The following PPRC1 variants were observed in gnomAD, a reference collection of about 807,000 sequenced individuals.
PPRC1 encodes the protein peroxisome proliferator-activated receptor gamma coactivator-related protein 1.
In PPRC1, 23 loss-of-function variants were observed where a neutral mutation model predicts 132.5. The ratio of observed to expected loss-of-function variants is 0.17; its 90% CI spans 0.12 to 0.25. PPRC1 has a LOEUF of 0.25. Ranked by LOEUF, PPRC1 falls within the 10% of genes least tolerant of loss-of-function variation. The pLI, the probability that PPRC1 is intolerant of heterozygous loss-of-function variation, is 1.00. For synonymous variants in PPRC1, 872 were observed against 833.5 expected (o/e 1.05, Z -0.80); for missense variants, 2,006 against 2,089.1 (o/e 0.96, Z 0.78).
chr10:102,149,402 G>A, intron 13 of PPRC1, 73 bp downstream of exon 13: 1 of 1,463,650 alleles, frequency 6.8e-7, no homozygotes, highest in Non-Finnish European at 9.1e-7. Flanking sequence ...CCCTTTGTGA[G>A]TGGGGCTAGG....
chr10:102,150,010 A>G lies in PPRC1; in HGVS notation c.4976A>G (p.Gln1659Arg). The G allele has an allele frequency of 6.2e-7, 1 of 1,612,782 alleles. No individual in the cohort carries two copies. Among genetic ancestry groups the G allele is most frequent in the Non-Finnish European group, 8.5e-7 (1 of 1,178,778 alleles). The change falls in exon 14 of 14, where the codon CAG becomes CGG. Residue 1659 changes from glutamine to arginine, a missense_variant. This residue lies in a region of PPRC1 where 92 missense variants were observed against 171.9 expected (regional missense o/e 0.54). Transcript: ENST00000278070. Reference protein sequence around the residue: ...LDFDTLLKQAQKNLRR With the variant: ...LDFDTLLKQARKNLRR ...TTTGACACATTGTTGAAACAGGCCC[A>G]GAAGAACCTCAGGAGGTAACCTTGG...
chr10:102,147,572 A>G (rs1204287820), intron 9 of PPRC1, among the ~76,000 whole-genome samples, 180 bp downstream of exon 9: 2 of 152,066 alleles, frequency 1.3e-5, no homozygotes, highest in East Asian at 3.9e-4. Flanking sequence ...GCTGTGAGAC[A>G]ATTGCTTCTG....
upstream of PPRC1, among the ~76,000 whole-genome samples, chr10:102,130,870 T>C (rs2068529097): frequency 1.3e-5 from 2 of 151,674 alleles, no homozygotes; most frequent in African/African-American, 4.8e-5. Flanking sequence ...CTGGGCAAGA[T>C]GTGAGACCCC....
chr10:102,134,436 C>A (rs1050449060), intron 1 of PPRC1, among the ~76,000 whole-genome samples: 2 of 152,232 alleles, frequency 1.3e-5, no homozygotes, highest in South Asian at 2.1e-4. Flanking sequence ...CAGTGGAGGG[C>A]TTCTTAAAAG....
rs2133724418 is a variant in PPRC1, at chr10:102,148,066, T to C, written c.4401-306T>C. On this transcript the variant is annotated intron_variant, in intron 9 of 13. Transcript: ENST00000278070. The surrounding 1 kb of genome is among the most constrained non-coding windows in gnomAD (Gnocchi z 4.2). The stretch of plus-strand genomic sequence containing the variant: ...GTGTGAGACCTAGGGCTCACCCCTC[T>C]CCCTGAGTCTCCATTTATTGTTCTT... Among the ~76,000 whole-genome samples the C allele has an allele frequency of 6.6e-6, 1 of 152,312 alleles. No individual in the cohort carries two copies. Among genetic ancestry groups the C allele is most frequent in the East Asian group, 1.9e-4 (1 of 5,188 alleles).
chr10:102,143,130 CT>C (rs765526829), intron 6 of PPRC1, 32 bp downstream of exon 6: 3 of 1,594,978 alleles, frequency 1.9e-6, no homozygotes, highest in Non-Finnish European at 2.6e-6. Flanking sequence ...TGCTCCAACT[CT>C]TTTTTTGGTG....
chr10:102,139,343 G>T lies in PPRC1; in HGVS notation c.835G>T (p.Ala279Ser), dbSNP rs745735750. 4 of 1,614,078 alleles carry T rather than the reference G, an allele frequency of 2.5e-6. No individual in the cohort carries two copies. In the South Asian group the frequency reaches 3.3e-5, roughly 13 times the overall value. ...SSIPDFPMHLACPEEEDKATA... is the reference protein window; with the variant it reads ...SSIPDFPMHLSCPEEEDKATA... ...TATCCCGGACTTCCCCATGCATTTG[G>T]CCTGCCCTGAGGAGGAAGATAAAGC... Residue 279 changes from alanine to serine, a missense_variant, in exon 5 of 14, where the codon GCC (alanine) becomes TCC (serine). Ala to Ser is a moderately conservative substitution (Grantham distance 99). Transcript: ENST00000278070.
In PPRC1 at chr10:102,140,169, C is replaced by T. The variant is rs1199390198; in HGVS notation, c.1661C>T (p.Pro554Leu). 3 of 1,614,232 alleles carry T rather than the reference C, an allele frequency of 1.9e-6. No homozygotes were observed. Among genetic ancestry groups the T allele is most frequent in the Non-Finnish European group, 2.5e-6 (3 of 1,180,034 alleles). Reference sequence around the variant, plus strand: ...CAAAGTAGTCCTGCTAAAGAAGGCCCTCTAGACCTCTACCCAAAGCTGGCT... The same window carrying T: ...CAAAGTAGTCCTGCTAAAGAAGGCCTTCTAGACCTCTACCCAAAGCTGGCT... ...AGQSSPAKEGPLDLYPKLADT... is the reference protein window; with the variant it reads ...AGQSSPAKEGLLDLYPKLADT... The change falls in exon 5 of 14, where the codon CCT (proline) becomes CTT (leucine). Residue 554 changes from proline to leucine, a missense_variant. Pro to Leu is a moderately conservative substitution (Grantham distance 98). Around this residue, in one of 2 missense-constraint regions of PPRC1, gnomAD observed 1,914 missense variants for 1,917.2 expected, o/e 1.00. Transcript: ENST00000278070.
rs1380702353 is a variant in PPRC1, at chr10:102,141,425, T to A, written c.2917T>A (p.Tyr973Asn). ...ACCCCCTCCTGCCCCAGTCTCACCT[T>A]ACAGTTCCACATGTACCTATGGGCC... Reference protein sequence around the residue: ...WAPPPAPVSPYSSTCTYGPLG... With the variant: ...WAPPPAPVSPNSSTCTYGPLG... Residue 973 changes from tyrosine to asparagine, a missense_variant, in exon 5 of 14, where the codon TAC becomes AAC. Physicochemically the swap from Tyr to Asn is moderately radical, Grantham distance 143. Around this residue, in one of 2 missense-constraint regions of PPRC1, gnomAD observed 1,914 missense variants for 1,917.2 expected, o/e 1.00. Transcript: ENST00000278070. 1 of 1,613,880 alleles carries A rather than the reference T, an allele frequency of 6.2e-7. No individual in the cohort carries two copies. The highest frequency in any genetic ancestry group is 1.3e-5 in the African/African-American group (1 of 74,914).
rs770909231 is a variant in PPRC1, at chr10:102,148,366, C to T, written c.4401-6C>T. ...CAGCATTCCTGCATGCCCTCTTATC[C>T]TTCAGGTCCAGCTGTAGTTCCTCTG... On this transcript the variant is annotated splice_polypyrimidine_tract_variant and splice_region_variant and intron_variant, in intron 9 of 13. Transcript: ENST00000278070. This position sits in a 1 kb window ranked among gnomAD's most constrained non-coding sequence, Gnocchi z 4.2. 1.2e-6 allele frequency: 2 copies of T among 1,612,602 alleles called. No individual in the cohort carries two copies. The highest frequency in any genetic ancestry group is 1.7e-6 in the Non-Finnish European group (2 of 1,179,786).
chr10:102,149,111 C>T (rs1024664190), intron 12 of PPRC1, 67 bp from the exon 13 acceptor site: 78 of 1,526,288 alleles, frequency 5.1e-5, no homozygotes, highest in Non-Finnish European at 6.6e-5. Flanking sequence ...CCTTGGGATG[C>T]TGTGTCTCCT....
chr10:102,135,396 T>C (rs2068686819), intron 1 of PPRC1, among the ~76,000 whole-genome samples: 2 of 152,178 alleles, frequency 1.3e-5, no homozygotes, highest in Admixed American at 1.3e-4. Flanking sequence ...TTGTTGTTTT[T>C]GAAATGGAGT....
chr10:102,134,490 A>T (rs2068649980), intron 1 of PPRC1, among the ~76,000 whole-genome samples: 1 of 152,082 alleles, frequency 6.6e-6, no homozygotes, highest in Non-Finnish European at 1.5e-5. Context: ...TTGAACTGTT[A>T]CCTCTCTTAA....
chr10:102,136,830 C>T (rs540029031), intron 1 of PPRC1, among the ~76,000 whole-genome samples: 1 of 152,310 alleles, frequency 6.6e-6, no homozygotes, highest in African/African-American at 2.4e-5. Context: ...TCCGGCCCTG[C>T]CCACACCCAC....
At chr10:102,138,345 G>A (rs115450123) in intron 2 of PPRC1, among the ~76,000 whole-genome samples, 2,075 of 152,264 alleles carry the variant, frequency 0.014, 41 homozygotes, top group African/African-American at 0.047. Context: ...TAGCCTAGCC[G>A]ATGGTTGTCT....
chr10:102,130,291 C>T (rs1400930689), upstream of PPRC1, among the ~76,000 whole-genome samples: 1 of 151,844 alleles, frequency 6.6e-6, no homozygotes, highest in Non-Finnish European at 1.5e-5. Flanking sequence ...GTGGCAGGTG[C>T]CTGTAGTCCC....
At chr10:102,136,935 T>A (rs1046607637) in intron 1 of PPRC1, among the ~76,000 whole-genome samples, 3 of 152,212 alleles carry the variant, frequency 2.0e-5, no homozygotes, top group Admixed American at 6.5e-5. Flanking sequence ...GGCCTTTCCA[T>A]CTAGGGAATC....
chr10:102,140,592 G>C lies in PPRC1; in HGVS notation c.2084G>C (p.Arg695Pro). The C allele has an allele frequency of 6.2e-7, 1 of 1,614,062 alleles. No individual in the cohort carries two copies. The highest frequency in any genetic ancestry group is 8.5e-7 in the Non-Finnish European group (1 of 1,179,998). Residue 695 changes from arginine to proline, a missense_variant, in exon 5 of 14, where the codon CGT becomes CCT. Physicochemically the swap from Arg to Pro is moderately radical, Grantham distance 103. Transcript: ENST00000278070. ...LVKSRPTDPR[R>P]GAVSSALGGS... The stretch of plus-strand genomic sequence containing the variant: ...AAGTCCAGACCAACTGATCCCAGAC[G>C]TGGTGCAGTGTCATCAGCCCTGGGG...
chr10:102,150,150 A>C lies in PPRC1; in HGVS notation c.*121A>C. The C allele has an allele frequency of 2.9e-6, 2 of 688,236 alleles. No individual in the cohort carries two copies. Among genetic ancestry groups the C allele is most frequent in the Non-Finnish European group, 5.0e-6 (2 of 403,652 alleles). The allele number at this position is 688,236 out of a possible 1,614,324, so 42.6% of individuals were successfully genotyped here. A position where few individuals can be genotyped will look rare whatever the true frequency, so the allele number is the denominator to read the frequency against. On this transcript the variant is annotated 3_prime_UTR_variant, in exon 14 of 14. Transcript: ENST00000278070. ...ATGACTGTTTTATAAAGAAATGGAA[A>C]AAAGTGAAATAAAAAATATGTTGAA...
Sources: gnomAD v4.1 joint callset for allele counts (sites outside exome capture counted in the v4.1 genomes callset) on GRCh38, gnomAD v4.1.1 for gene constraint, gnomAD v4.1.1 regional missense constraint, Gnocchi (gnomAD v3.1) non-coding constraint, MANE v1.5 for transcripts, NCBI Gene and HGNC (gene_info 2026-07-23, HGNC 2026-07-21) for gene names.